The following SPPL3 variants were observed in gnomAD, a reference collection of about 807,000 sequenced individuals.
SPPL3 encodes the protein signal peptide peptidase-like 3.
In SPPL3, 5 loss-of-function variants were observed where a neutral mutation model predicts 42.4. That is an observed-to-expected ratio of 0.12 (90% CI 0.06 to 0.25). The LOEUF (loss-of-function observed/expected upper bound fraction) is 0.25, where lower values mean the gene tolerates loss of function less well. Among genes scored for constraint, SPPL3 ranks in the 10% least tolerant of loss-of-function variants. The pLI, the probability that SPPL3 is intolerant of heterozygous loss-of-function variation, is 1.00. For synonymous variants in SPPL3, 195 were observed against 181.8 expected (o/e 1.07, Z -0.58); for missense variants, 235 against 489.0 (o/e 0.48, Z 4.90).
intron 1 of SPPL3, among the ~76,000 whole-genome samples, chr12:120,855,138 G>A (rs1872408338): frequency 6.6e-6 from 1 of 152,066 alleles, no homozygotes; most frequent in Non-Finnish European, 1.5e-5. Context: ...AGACCCCACA[G>A]AGTGCAAGAA....
intron 1 of SPPL3, among the ~76,000 whole-genome samples, chr12:120,815,652 C>T (rs55914930): frequency 0.025 from 3,743 of 152,244 alleles, 72 homozygotes; most frequent in Middle Eastern, 0.051. Context: ...AATTATTTTG[C>T]TACATCTCTC....
chr12:120,823,910 G>A (rs680303), intron 1 of SPPL3, among the ~76,000 whole-genome samples: 30,182 of 149,456 alleles, frequency 0.2, 3,659 homozygotes, highest in Non-Finnish European at 0.28. Context: ...TCACTCTGTC[G>A]CCCAGGCTGG....
At chr12:120,787,921 C>T (rs774638599) in intron 3 of SPPL3, among the ~76,000 whole-genome samples, 20 of 152,152 alleles carry the variant, frequency 1.3e-4, no homozygotes, top group Non-Finnish European at 2.6e-4. Flanking sequence ...CTACGGTTGA[C>T]ATTTGGGTTG....
At chr12:120,768,930 G>C (rs903803381) in intron 7 of SPPL3, 23 bp downstream of exon 7, 3 of 1,572,110 alleles carry the variant, frequency 1.9e-6, no homozygotes, top group African/African-American at 2.7e-5. Context: ...AAGGGGAGGA[G>C]CTCCAAGGAC....
intron 1 of SPPL3, among the ~76,000 whole-genome samples, chr12:120,894,596 G>A (rs1873743914): frequency 6.6e-6 from 1 of 152,196 alleles, no homozygotes; most frequent in African/African-American, 2.4e-5. Flanking sequence ...CAAGCCTGAG[G>A]CCTCAGATGA....
At chr12:120,814,943 C>A (rs990428768) in intron 1 of SPPL3, among the ~76,000 whole-genome samples, 1 of 152,172 alleles carries the variant, frequency 6.6e-6, no homozygotes, top group African/African-American at 2.4e-5. Context: ...TTTTAAACAT[C>A]AGCATGATAG....
rs538763241 is a variant in SPPL3 at position 120,836,047 on chromosome 12, T to A, written c.24-25161A>T. ...TTTCAAAATTGAAGTAAGGTAGCAT[T>A]TACAACAAATCCAAGCAGACCCATG... On this transcript the variant is annotated intron_variant, in intron 1 of 10. Transcript: ENST00000353487. 1.3e-4 allele frequency among the ~76,000 whole-genome samples: 20 copies of A among 152,250 alleles called. No individual in the cohort carries two copies. The South Asian group carries it at 4.2e-3, about 32-fold the overall frequency.
At chr12:120,890,249 CA>C (rs1873592451) in intron 1 of SPPL3, among the ~76,000 whole-genome samples, 1 of 150,514 alleles carries the variant, frequency 6.6e-6, no homozygotes, top group Non-Finnish European at 1.5e-5. Context: ...AATTCCATCC[CA>C]AAAAAATAAA....
intron 1 of SPPL3, among the ~76,000 whole-genome samples, chr12:120,859,183 G>A (rs886658733): frequency 3.3e-5 from 5 of 151,720 alleles, no homozygotes; most frequent in Non-Finnish European, 5.9e-5. Context: ...GGTGGGGGGC[G>A]TGGGGGTTTC....
intron 2 of SPPL3, among the ~76,000 whole-genome samples, chr12:120,802,670 C>T (rs1870357816): frequency 6.6e-6 from 1 of 151,768 alleles, no homozygotes; most frequent in Non-Finnish European, 1.5e-5. Flanking sequence ...CCTGACCTCA[C>T]GTGATCCTCC....
At chr12:120,898,088 G>A (rs972029342) in intron 1 of SPPL3, among the ~76,000 whole-genome samples, 5 of 151,976 alleles carry the variant, frequency 3.3e-5, no homozygotes, top group Non-Finnish European at 5.9e-5. Flanking sequence ...GAGGTGGGTG[G>A]ATTGCTTGAA....
intron 2 of SPPL3, among the ~76,000 whole-genome samples, chr12:120,809,599 A>C (rs565223699): frequency 1.3e-5 from 2 of 152,184 alleles, no homozygotes; most frequent in Admixed American, 6.5e-5. Context: ...ATCAGCCACT[A>C]AACTATTTGA....
intron 1 of SPPL3, among the ~76,000 whole-genome samples, chr12:120,832,840 AG>A (rs1843129744): frequency 2.0e-5 from 3 of 152,206 alleles, no homozygotes; most frequent in Admixed American, 6.5e-5. Context: ...TGAGTTGCAC[AG>A]GAAGACTCTT....
At position 120,784,598 on chromosome 12, in the gene SPPL3, A is replaced by T; in HGVS notation, c.191-5T>A. The T allele has an allele frequency of 6.2e-7, 1 of 1,601,114 alleles. No individual in the cohort carries two copies. The highest frequency in any genetic ancestry group is 8.5e-7 in the Non-Finnish European group (1 of 1,175,298). On this transcript the variant is annotated splice_region_variant and splice_polypyrimidine_tract_variant and intron_variant, in intron 3 of 10. Transcript: ENST00000353487. Reference sequence around the variant, plus strand: ...TAGAGTCAATTGTTTGGATGCCTGAAAGAGAAAAACAGACAGATTAATAAC... The same window carrying T: ...TAGAGTCAATTGTTTGGATGCCTGATAGAGAAAAACAGACAGATTAATAAC...
chr12:120,819,340 T>C (rs1028273761), intron 1 of SPPL3, among the ~76,000 whole-genome samples: 1 of 152,136 alleles, frequency 6.6e-6, no homozygotes, highest in Non-Finnish European at 1.5e-5. Flanking sequence ...AGATACTGAT[T>C]TGCTGAGTTA....
chr12:120,777,877 T>C (rs1869382583), intron 6 of SPPL3, among the ~76,000 whole-genome samples: 1 of 152,124 alleles, frequency 6.6e-6, no homozygotes, highest in Non-Finnish European at 1.5e-5. Flanking sequence ...CAAAGGTGAA[T>C]TACTACACAG....
intron 2 of SPPL3, among the ~76,000 whole-genome samples, chr12:120,807,526 C>G (rs1192817036): frequency 6.6e-6 from 1 of 151,580 alleles, no homozygotes; most frequent in South Asian, 2.1e-4. Context: ...ATACAAAAAT[C>G]AGCCGGGCAT....
chr12:120,885,944 TC>T (rs1873440676), intron 1 of SPPL3, among the ~76,000 whole-genome samples: 1 of 144,228 alleles, frequency 6.9e-6, no homozygotes, highest in South Asian at 2.2e-4. Flanking sequence ...AACCTCCACC[TC>T]CTGGGTTCAA....
chr12:120,901,436 C>CA (rs1024983466), intron 1 of SPPL3, among the ~76,000 whole-genome samples: 10 of 150,964 alleles, frequency 6.6e-5, no homozygotes. Context: ...ACTAAAAATA[C>CA]AAAAAAAAGC....
Sources: allele counts gnomAD v4.1 joint callset (sites outside exome capture counted in the v4.1 genomes callset), GRCh38; gene constraint gnomAD v4.1.1; transcripts MANE v1.5; gene names NCBI Gene and HGNC (gene_info 2026-07-23, HGNC 2026-07-21).